The following SPRED2 variants were observed in gnomAD, a reference collection of about 807,000 sequenced individuals.
SPRED2 encodes the protein sprouty related EVH1 domain containing 2, also known as sprouty-related, EVH1 domain-containing protein 2.
SPRED2 carries 47 observed loss-of-function variants against 43.0 expected under a neutral mutation model. The observed-to-expected ratio is 1.09, with a 90% CI of 0.87 to 1.40. The LOEUF (loss-of-function observed/expected upper bound fraction) is 1.40. Ranked by LOEUF, SPRED2 falls within the 40% of genes most tolerant of loss-of-function variation. The pLI, the probability that SPRED2 is intolerant of heterozygous loss-of-function variation, is 0.00. For synonymous variants in SPRED2, 225 were observed against 225.7 expected, an observed-to-expected ratio of 1.00 and a Z score of 0.03; for missense variants, 561 against 586.4, an observed-to-expected ratio of 0.96 and a Z score of 0.45.
intron 1 of SPRED2, among the ~76,000 whole-genome samples, chr2:65,405,176 A>G (rs949540128): frequency 4.6e-5 from 7 of 152,242 alleles, no homozygotes; most frequent in Non-Finnish European, 8.8e-5. Flanking sequence ...CGTTTATGTC[A>G]CTACCCTACG....
intron 1 of SPRED2, among the ~76,000 whole-genome samples, chr2:65,375,777 C>T (rs1014757513): frequency 5.3e-5 from 8 of 152,202 alleles, no homozygotes; most frequent in African/African-American, 1.9e-4. Flanking sequence ...TTCTTTGTTT[C>T]AAGTCTCCCC....
At position 65,311,369 on chromosome 2, in the gene SPRED2, G is replaced by C; in HGVS notation, c.*2132C>G. 1 of 985,870 alleles carries C rather than the reference G, an allele frequency of 1.0e-6. No homozygotes were observed. Among genetic ancestry groups the C allele is most frequent in the Non-Finnish European group, 1.2e-6 (1 of 829,950 alleles). 61.1% of individuals were successfully genotyped at this position (985,870 alleles called of 1,614,324 possible). On this transcript the variant is annotated 3_prime_UTR_variant, in exon 6 of 6. Coordinates refer to ENST00000356388, the MANE Select transcript of SPRED2 (RefSeq NM_181784.3). ...ATCTGCTAGCGTAACTCTTAAAAGG[G>C]TGGAAAAGGACAAGGGGTGAAAGAA...
intron 1 of SPRED2, among the ~76,000 whole-genome samples, chr2:65,356,948 C>T (rs1158698906): frequency 6.6e-6 from 1 of 152,094 alleles, no homozygotes; most frequent in Non-Finnish European, 1.5e-5. Flanking sequence ...GAGCTAAGAT[C>T]ACGCTACTGC....
chr2:65,349,550 ACT>A (rs139604769), intron 1 of SPRED2, among the ~76,000 whole-genome samples: 7,822 of 152,150 alleles, frequency 0.051, 293 homozygotes, highest in Middle Eastern at 0.15. Flanking sequence ...AAGAATTGAA[ACT>A]CTGTGCACCT....
intron 4 of SPRED2, among the ~76,000 whole-genome samples, chr2:65,330,179 T>A (rs1673768582): frequency 6.6e-6 from 1 of 152,230 alleles, no homozygotes; most frequent in African/African-American, 2.4e-5. Flanking sequence ...CATCTTGTGA[T>A]CTCTTTGAGG....
Position 65,316,842 on chromosome 2 carries a change from C to T in SPRED2, c.480G>A (p.Glu160=), listed in dbSNP as rs1673254163. The stretch of plus-strand genomic sequence containing the variant: ...GAGAGGAGATTGTCCGAGTAGGTTG[C>T]TCTCTCTTCTGAGAGGAATTAGAAG... ...DSSSNSSQKR[E]QPTRTISSPT... is the part of the protein sequence containing the mutation. Residue 160 remains glutamate (E), a synonymous_variant, in exon 5 of 6, where the codon GAG becomes GAA. Transcript: ENST00000356388. The T allele has an allele frequency of 1.9e-6, 3 of 1,613,812 alleles. No individual in the cohort carries two copies. The highest frequency in any genetic ancestry group is 2.5e-6 in the Non-Finnish European group (3 of 1,179,988).
At chr2:65,360,064 C>CAAAAAAAA in intron 1 of SPRED2, among the ~76,000 whole-genome samples, 1 of 43,226 alleles carries the variant, frequency 2.3e-5, no homozygotes, top group Non-Finnish European at 4.8e-5. Context: ...GACTCCATCT[C>CAAAAAAAA]AAAAAAAAAA....
At chr2:65,371,532 G>A (rs1675124295) in intron 1 of SPRED2, among the ~76,000 whole-genome samples, 1 of 152,160 alleles carries the variant, frequency 6.6e-6, no homozygotes. Context: ...AGGCGGCGGA[G>A]GCAGATGATT....
In SPRED2 at chr2:65,325,626, C is replaced by T. The variant is rs531267996; in HGVS notation, c.438+6361G>A. On this transcript the variant is annotated intron_variant, in intron 4 of 5. Transcript: ENST00000356388. ...CAGGTTAGAGGAGTTGGACTAAGCC[C>T]GTTGCTTAGTTGATTCAAGAACCAC... is the stretch of plus-strand genomic sequence containing the variant. Among the ~76,000 whole-genome samples, 8 of 152,222 alleles carry T rather than the reference C, an allele frequency of 5.3e-5. No individual in the cohort carries two copies. In the South Asian group the frequency reaches 8.3e-4, roughly 16 times the overall value.
At chr2:65,412,725 T>G (rs1676191317) in intron 1 of SPRED2, among the ~76,000 whole-genome samples, 1 of 152,148 alleles carries the variant, frequency 6.6e-6, no homozygotes, top group South Asian at 2.1e-4. Flanking sequence ...CTTCTTCATC[T>G]CCTTGCCCTG....
intron 1 of SPRED2, among the ~76,000 whole-genome samples, chr2:65,404,066 A>G (rs1675965401): frequency 6.6e-6 from 1 of 152,064 alleles, no homozygotes; most frequent in Non-Finnish European, 1.5e-5. Context: ...CTAGCTGGGC[A>G]TGGTGGCGGA....
At chr2:65,317,388 CTA>C (rs1321102044) in intron 4 of SPRED2, among the ~76,000 whole-genome samples, 1 of 152,124 alleles carries the variant, frequency 6.6e-6, no homozygotes, top group Non-Finnish European at 1.5e-5. Context: ...TGGCAGGTGC[CTA>C]TAATCCCAGC....
chr2:65,375,272 T>A (rs1397647120), intron 1 of SPRED2, among the ~76,000 whole-genome samples: 1 of 152,226 alleles, frequency 6.6e-6, no homozygotes, highest in African/African-American at 2.4e-5. Context: ...ACAGGAACAT[T>A]AACTCTTCCC....
chr2:65,323,408 C>G (rs2104160702), intron 4 of SPRED2, among the ~76,000 whole-genome samples: 2 of 152,104 alleles, frequency 1.3e-5, no homozygotes, highest in Non-Finnish European at 2.9e-5. Flanking sequence ...TGAGCTGAGA[C>G]AAGCCTTTGA....
In SPRED2 at chr2:65,311,569, C is replaced by G. The variant is rs547777598; in HGVS notation, c.*1932G>C. ...AGACCCCAAGGAAGTGCCTCCGGGT[C>G]GGGGGAAGGTGGTCTCTCGACAGCA... On this transcript the variant is annotated 3_prime_UTR_variant, in exon 6 of 6. Transcript: ENST00000356388. 2 of 985,800 alleles carry G rather than the reference C, an allele frequency of 2.0e-6. No homozygotes were observed. Among genetic ancestry groups the G allele is most frequent in the Non-Finnish European group, 1.2e-6 (1 of 829,916 alleles). 61.1% of individuals were successfully genotyped at this position (985,800 alleles called of 1,614,324 possible).
intron 1 of SPRED2, among the ~76,000 whole-genome samples, chr2:65,396,652 A>C (rs1281487447): frequency 6.6e-6 from 1 of 152,202 alleles, no homozygotes; most frequent in Non-Finnish European, 1.5e-5. Flanking sequence ...GACATACTAG[A>C]GAAGTAAAGA....
chr2:65,330,209 T>A (rs564356760), intron 4 of SPRED2, among the ~76,000 whole-genome samples: 44 of 152,374 alleles, frequency 2.9e-4, no homozygotes, highest in African/African-American at 9.9e-4. Context: ...ATGGCTCACA[T>A]ACCTTTGTAT....
rs1572856420 is a variant in SPRED2 at position 65,344,762 on chromosome 2, C to CGTCCATT, written c.154_160dup (p.Arg54GlnfsTer11). On this transcript the variant is annotated frameshift_variant, in exon 2 of 6. Transcript: ENST00000356388. LOFTEE classifies it high-confidence loss of function. ...TTCACCATGGATGAGAAAGCCGCTT[C>CGTCCATT]GTCCATTGCCTTCGGGGTGCATGAC... The CGTCCATT allele has an allele frequency of 6.2e-7, 1 of 1,614,054 alleles. No homozygotes were observed. Among genetic ancestry groups the CGTCCATT allele is most frequent in the Non-Finnish European group, 8.5e-7 (1 of 1,180,026 alleles).
intron 4 of SPRED2, among the ~76,000 whole-genome samples, chr2:65,318,109 A>G (rs956462369): frequency 6.6e-6 from 1 of 152,054 alleles, no homozygotes; most frequent in Admixed American, 6.6e-5. Flanking sequence ...GGGATAGTGA[A>G]TAAGTCTCAG....
Sources: allele counts gnomAD v4.1 joint callset (sites outside exome capture counted in the v4.1 genomes callset), GRCh38; gene constraint gnomAD v4.1.1; transcripts MANE v1.5; gene names NCBI Gene and HGNC (gene_info 2026-07-23, HGNC 2026-07-21).